Variants in SPECC1L observed in about 807,000 individuals in gnomAD.
SPECC1L encodes the protein sperm antigen with calponin homology and coiled-coil domains 1 like, also known as cytospin-A.
In SPECC1L, 40 loss-of-function variants were observed where a neutral mutation model predicts 116.8. That is an observed-to-expected ratio of 0.34 (90% confidence interval 0.27 to 0.45). The LOEUF (loss-of-function observed/expected upper bound fraction) is 0.45, where lower values mean the gene tolerates loss of function less well. Ranked by LOEUF, SPECC1L falls within the 20% of genes least tolerant of loss-of-function variation. The pLI, the probability that SPECC1L is intolerant of heterozygous loss-of-function variation, is 1.00. For missense variants in SPECC1L, 1,110 were observed against 1,373.6 expected (o/e 0.81, Z 3.03); for synonymous variants, 504 against 500.6 (o/e 1.01, Z -0.09).
chr22:24,319,943 T>A (rs1370536018), intron 4 of SPECC1L, among the ~76,000 whole-genome samples: 1 of 152,212 alleles, frequency 6.6e-6, no homozygotes, highest in Non-Finnish European at 1.5e-5. Flanking sequence ...TTTAAACATA[T>A]TCCTGGCCAG....
Position 24,322,458 on chromosome 22 carries a change from A to G in SPECC1L, c.1478A>G (p.Gln493Arg). The G allele has an allele frequency of 6.2e-7, 1 of 1,614,202 alleles. No individual in the cohort carries two copies. Among genetic ancestry groups the G allele is most frequent in the South Asian group, 1.1e-5 (1 of 91,070 alleles). ...VKSGRYMELE[Q>R]RYMDLAENAR... ...AGTGGGCGCTATATGGAATTAGAGC[A>G]ACGTTACATGGACCTCGCTGAGAAT... Residue 493 changes from glutamine (Q) to arginine (R), a missense_variant, in exon 5 of 17, where the codon CAA becomes CGA. This residue lies in a region of SPECC1L where 575 missense variants were observed against 682.4 expected (regional missense o/e 0.84). Transcript: ENST00000314328.
At chr22:24,316,274 TTTTATTTA>T (rs71189243) in intron 4 of SPECC1L, among the ~76,000 whole-genome samples, 21 of 149,120 alleles carry the variant, frequency 1.4e-4, no homozygotes, top group African/African-American at 2.2e-4. Context: ...CAGATTTTCT[TTTTATTTA>T]TTTATTTATT....
Position 24,390,766 on chromosome 22 carries a change from G to C in SPECC1L, c.3088-20822G>C, listed in dbSNP as rs1482900589. Among the ~76,000 whole-genome samples the C allele has an allele frequency of 3.3e-5, 5 of 150,942 alleles. No homozygotes were observed. The South Asian group carries it at 1.0e-3, about 32-fold the overall frequency. On this transcript the variant is annotated intron_variant, in intron 14 of 16. Transcript: ENST00000314328. The stretch of plus-strand genomic sequence containing the variant: ...AAGGTATCTTCATCCCGAAGGCTCA[G>C]CGGTTGGCCAAGAGCTTCACATTTC...
chr22:24,406,502 C>T (rs1304814653), intron 14 of SPECC1L, among the ~76,000 whole-genome samples: 5 of 152,200 alleles, frequency 3.3e-5, no homozygotes, highest in Non-Finnish European at 7.4e-5. Flanking sequence ...GATCATTCTC[C>T]TCTCCCTGTG....
intron 4 of SPECC1L, among the ~76,000 whole-genome samples, chr22:24,313,742 CTTTTTT>C (rs1350275306): frequency 7.7e-6 from 1 of 129,962 alleles, no homozygotes; most frequent in Non-Finnish European, 1.7e-5. Context: ...GAGAAGGATT[CTTTTTT>C]TTTTTTTTTT....
chr22:24,275,868 C>T (rs933997535), intron 1 of SPECC1L, among the ~76,000 whole-genome samples: 13 of 152,144 alleles, frequency 8.5e-5, no homozygotes, highest in African/African-American at 2.9e-4. Context: ...ACCAGCACAC[C>T]TGGCTAATTT....
intron 2 of SPECC1L, among the ~76,000 whole-genome samples, chr22:24,297,237 A>G (rs910815546): frequency 1.3e-5 from 2 of 150,896 alleles, no homozygotes; most frequent in African/African-American, 4.9e-5. Flanking sequence ...CTGGCCTAGA[A>G]TATCTTGATG....
In SPECC1L at chr22:24,322,426, T is replaced by G. The variant is rs1468610644; in HGVS notation, c.1446T>G (p.Asp482Glu). ...ACATTTCTTATGTCATAGATGAAGA[T>G]GTAAAAAGTGGGCGCTATATGGAAT... Reference protein sequence around the residue: ...EHHISYVIDEDVKSGRYMELE... With the variant: ...EHHISYVIDEEVKSGRYMELE... Residue 482 changes from aspartate to glutamate, a missense_variant, in exon 5 of 17, where the codon GAT becomes GAG. Asp to Glu is a conservative substitution (Grantham distance 45). Coordinates refer to ENST00000314328, the MANE Select transcript of SPECC1L (RefSeq NM_015330.6). The G allele has an allele frequency of 3.1e-6, 5 of 1,614,178 alleles. No individual in the cohort carries two copies. The highest frequency in any genetic ancestry group is 4.5e-5 in the East Asian group (2 of 44,884).
intron 14 of SPECC1L, among the ~76,000 whole-genome samples, chr22:24,375,966 CAAACAAAAA>C (rs963952228): frequency 6.0e-5 from 9 of 150,576 alleles, no homozygotes; most frequent in East Asian, 1.9e-4. Context: ...AACAAACAAA[CAAACAAAAA>C]AAACAAAAAA....
At chr22:24,382,137 ATC>A (rs1296527585) in intron 14 of SPECC1L, among the ~76,000 whole-genome samples, 1 of 152,252 alleles carries the variant, frequency 6.6e-6, no homozygotes, top group African/African-American at 2.4e-5. Context: ...AAAAATAAAT[ATC>A]TTTGAAGGCA....
At chr22:24,288,487 A>C (rs1373168059) in intron 2 of SPECC1L, among the ~76,000 whole-genome samples, 1 of 152,000 alleles carries the variant, frequency 6.6e-6, no homozygotes, top group African/African-American at 2.4e-5. Flanking sequence ...AGCATTTTTT[A>C]TTAATTTCTT....
At chr22:24,303,630 T>TA (rs2049427514) in intron 3 of SPECC1L, among the ~76,000 whole-genome samples, 1 of 152,206 alleles carries the variant, frequency 6.6e-6, no homozygotes, top group African/African-American at 2.4e-5. Context: ...TGTGGCCTCT[T>TA]CGTCAGAGGC....
intron 11 of SPECC1L, among the ~76,000 whole-genome samples, chr22:24,352,120 G>A (rs2041438264): frequency 6.6e-6 from 1 of 152,022 alleles, no homozygotes; most frequent in Admixed American, 6.6e-5. Flanking sequence ...TTAATCAAAT[G>A]CTCTTTTGTT....
At chr22:24,340,386 A>G (rs1008353033) in intron 10 of SPECC1L, among the ~76,000 whole-genome samples, 4 of 152,046 alleles carry the variant, frequency 2.6e-5, no homozygotes, top group Admixed American at 6.5e-5. Context: ...ACCTCAAGCA[A>G]TCTGCCCTCT....
At chr22:24,411,786 G>C in intron 15 of SPECC1L, 82 bp downstream of exon 15, 1 of 1,146,104 alleles carries the variant, frequency 8.7e-7, no homozygotes, top group Non-Finnish European at 1.3e-6. Context: ...TGCCTCAGCA[G>C]GTCACATGCC....
intron 14 of SPECC1L, among the ~76,000 whole-genome samples, chr22:24,389,590 G>A (rs1386126494): frequency 1.3e-5 from 2 of 151,024 alleles, no homozygotes; most frequent in East Asian, 1.9e-4. Flanking sequence ...CCTAGCATGC[G>A]TCATTTTGGG....
At chr22:24,391,156 T>C (rs547053480) in intron 14 of SPECC1L, among the ~76,000 whole-genome samples, 1 of 152,170 alleles carries the variant, frequency 6.6e-6, no homozygotes, top group South Asian at 2.1e-4. Context: ...ATTACGGGTG[T>C]GAGCCACTGC....
chr22:24,377,976 G>T (rs1172855422), intron 14 of SPECC1L, among the ~76,000 whole-genome samples: 2 of 152,228 alleles, frequency 1.3e-5, no homozygotes, highest in Non-Finnish European at 2.9e-5. Flanking sequence ...GAGACAGCCT[G>T]TCCTTTGAAG....
intron 8 of SPECC1L, among the ~76,000 whole-genome samples, chr22:24,332,618 A>G (rs755153224): frequency 1.3e-5 from 2 of 152,204 alleles, no homozygotes; most frequent in Non-Finnish European, 2.9e-5. Flanking sequence ...GGTTGAATAC[A>G]GAAGAAATGA....
Sources: gnomAD v4.1 joint callset for allele counts (sites outside exome capture counted in the v4.1 genomes callset) on GRCh38, gnomAD v4.1.1 for gene constraint, gnomAD v4.1.1 regional missense constraint, MANE v1.5 for transcripts, NCBI Gene and HGNC (gene_info 2026-07-23, HGNC 2026-07-21) for gene names.